Variants in VPS13B observed in about 807,000 individuals in gnomAD.
VPS13B encodes intermembrane lipid transfer protein VPS13B.
A neutral mutation model predicts 426.4 loss-of-function variants in VPS13B; 285 were observed. The observed-to-expected ratio is 0.67, with a 90% CI of 0.61 to 0.74. VPS13B has a LOEUF of 0.74. Ranked by LOEUF, VPS13B falls within the 30% of genes least tolerant of loss-of-function variation. The pLI, the probability that VPS13B is intolerant of heterozygous loss-of-function variation, is 0.00. For missense variants in VPS13B, 4,537 were observed against 4,782.6 expected, an observed-to-expected ratio of 0.95 and a Z score of 1.51; for synonymous variants, 1,676 against 1,676.4, an observed-to-expected ratio of 1.00 and a Z score of 0.01.
At chr8:99,397,378 C>T (rs561889721) in intron 21 of VPS13B, among the ~76,000 whole-genome samples, 2 of 152,114 alleles carry the variant, frequency 1.3e-5, no homozygotes, top group Non-Finnish European at 2.9e-5. Context: ...CTCTTGACCT[C>T]GTGATCTGCC....
chr8:99,810,453 G>A (rs999281534), intron 44 of VPS13B, among the ~76,000 whole-genome samples: 11 of 152,214 alleles, frequency 7.2e-5, no homozygotes, highest in Admixed American at 1.3e-4. Context: ...GGAGGAATCA[G>A]GAAGCTGCTA....
intron 19 of VPS13B, among the ~76,000 whole-genome samples, chr8:99,372,071 G>A (rs1476027808): frequency 6.6e-6 from 1 of 151,860 alleles, no homozygotes; most frequent in African/African-American, 2.4e-5. Context: ...CTAACACGGT[G>A]AAACCCCGTC....
intron 19 of VPS13B, among the ~76,000 whole-genome samples, chr8:99,305,241 A>G (rs7010581): frequency 0.74 from 111,645 of 151,890 alleles, 41,576 homozygotes; most frequent in Middle Eastern, 0.83. Flanking sequence ...TGCATTCCAC[A>G]TTTGTGGGTT....
At chr8:99,538,624 T>G (rs1823390018) in intron 30 of VPS13B, among the ~76,000 whole-genome samples, 1 of 152,200 alleles carries the variant, frequency 6.6e-6, no homozygotes, top group Non-Finnish European at 1.5e-5. Context: ...TTCTGTCTCT[T>G]TCAATGCTGA....
intron 33 of VPS13B, among the ~76,000 whole-genome samples, chr8:99,599,782 A>C (rs1455748147): frequency 1.3e-5 from 2 of 152,140 alleles, no homozygotes; most frequent in Admixed American, 1.3e-4. Context: ...TAAAAAATAA[A>C]CACCATGGCT....
intron 54 of VPS13B, among the ~76,000 whole-genome samples, chr8:99,848,201 T>C (rs1816080404): frequency 6.6e-6 from 1 of 152,234 alleles, no homozygotes; most frequent in Admixed American, 6.5e-5. Context: ...CATATTCTCA[T>C]GGTAGAAAAA....
intron 21 of VPS13B, among the ~76,000 whole-genome samples, chr8:99,423,400 G>A (rs1816489314): frequency 1.3e-5 from 2 of 151,328 alleles, no homozygotes; most frequent in African/African-American, 2.4e-5. Context: ...GGGATTACAG[G>A]TGTGTGTCAC....
At chr8:99,109,299 T>TA (rs978601245) in intron 5 of VPS13B, among the ~76,000 whole-genome samples, 4 of 152,116 alleles carry the variant, frequency 2.6e-5, no homozygotes, top group African/African-American at 4.8e-5. Context: ...AAAATACCTT[T>TA]AAAACAGTAA....
rs371023317 is a variant in VPS13B at position 99,307,214 on chromosome 8, T to C, written c.2824+31960T>C. Among the ~76,000 whole-genome samples, 9 of 152,224 alleles carry C rather than the reference T, an allele frequency of 5.9e-5. No individual in the cohort carries two copies. The East Asian group carries it at 1.7e-3, about 29-fold the overall frequency. On this transcript the variant is annotated intron_variant, in intron 19 of 61. Coordinates refer to ENST00000357162, the MANE Select transcript of VPS13B (RefSeq NM_152564.5). ...TTCTATATCTTTTAATATATGTCTA[T>C]CTCTGTATGTTTGTATATATTTATT...
chr8:99,851,074 TAAA>T, intron 55 of VPS13B, among the ~76,000 whole-genome samples: 1 of 152,324 alleles, frequency 6.6e-6, no homozygotes, highest in South Asian at 2.1e-4. Context: ...AAAGTGTTCA[TAAA>T]AAATTAATAG....
rs182764947 is a variant in VPS13B, at chr8:99,431,543, G to A, written c.3089G>A (p.Arg1030His). ...PVKTKTVTES[R>H]PLSVPVKAML... The stretch of plus-strand genomic sequence containing the variant: ...TAGCTATTCTCGTACTCAGAATCCC[G>A]CCCATTGTCAGTTCCTGTTAAAGCC... The change falls in exon 22 of 62, where the codon CGC becomes CAC. Residue 1030 changes from arginine (R) to histidine (H), a missense_variant. This residue lies in a region of VPS13B where 4,311 missense variants were observed against 4,474.3 expected (regional missense o/e 0.96). Coordinates refer to ENST00000357162, the MANE Select transcript of VPS13B (RefSeq NM_152564.5). 4.3e-5 allele frequency: 70 copies of A among 1,613,176 alleles called. No homozygotes were observed. In the East Asian group the frequency reaches 1.1e-3, roughly 25 times the overall value.
chr8:99,514,527 A>C (rs1270584924), intron 29 of VPS13B, among the ~76,000 whole-genome samples: 1 of 152,176 alleles, frequency 6.6e-6, no homozygotes, highest in Non-Finnish European at 1.5e-5. Flanking sequence ...AAGTGGAATC[A>C]TACAATGTTT....
intron 36 of VPS13B, among the ~76,000 whole-genome samples, chr8:99,711,539 C>A (rs1239688458): frequency 6.6e-6 from 1 of 151,730 alleles, no homozygotes; most frequent in Non-Finnish European, 1.5e-5. Context: ...AAAACTAAGA[C>A]TAAAGCAAGG....
intron 39 of VPS13B, among the ~76,000 whole-genome samples, chr8:99,758,079 C>T (rs975616219): frequency 1.2e-4 from 18 of 152,154 alleles, no homozygotes; most frequent in African/African-American, 3.6e-4. Flanking sequence ...AATAACAAAT[C>T]CTTAGTTATA....
chr8:99,605,100 C>G (rs1827510140), intron 33 of VPS13B, among the ~76,000 whole-genome samples: 2 of 152,138 alleles, frequency 1.3e-5, no homozygotes, highest in South Asian at 2.1e-4. Context: ...GAGATTTGCA[C>G]TATGTTATTT....
Position 99,720,611 on chromosome 8 carries a change from G to A in VPS13B, c.6865+59G>A, listed in dbSNP as rs1588654488. On this transcript the variant is annotated intron_variant, in intron 38 of 61. Coordinates refer to ENST00000357162, the MANE Select transcript of VPS13B (RefSeq NM_152564.5). ...CTGTGCATGTGGTTGCATTTTAAATGCATGTTGACTAAATAAAAACAATCA... is the reference window on the plus strand; with the variant it reads ...CTGTGCATGTGGTTGCATTTTAAATACATGTTGACTAAATAAAAACAATCA... 2.6e-6 allele frequency: 4 copies of A among 1,541,698 alleles called. No individual in the cohort carries two copies. The East Asian group carries it at 9.1e-5, about 35-fold the overall frequency.
intron 33 of VPS13B, among the ~76,000 whole-genome samples, chr8:99,591,872 A>G (rs200236753): frequency 4.0e-5 from 6 of 151,834 alleles, no homozygotes; most frequent in Admixed American, 2.0e-4. Flanking sequence ...GGTGTTCTCT[A>G]TATTTCCTGA....
intron 35 of VPS13B, chr8:99,696,694 A>C: frequency 1.3e-6 from 1 of 793,826 alleles, no homozygotes; most frequent in Non-Finnish European, 2.3e-6. Context: ...ATAGCAGCCA[A>C]GGGCAGTGCC....
intron 3 of VPS13B, among the ~76,000 whole-genome samples, chr8:99,073,817 C>T (rs1417946162): frequency 1.3e-5 from 2 of 150,206 alleles, no homozygotes; most frequent in Non-Finnish European, 2.9e-5. Flanking sequence ...TTTCCCCATG[C>T]TGGAGTGCAG....
Sources: allele counts gnomAD v4.1 joint callset (sites outside exome capture counted in the v4.1 genomes callset), GRCh38; gene constraint gnomAD v4.1.1; regional missense constraint gnomAD v4.1.1; transcripts MANE v1.5; gene names NCBI Gene and HGNC (gene_info 2026-07-23, HGNC 2026-07-21).